Variants in MEIS1 observed in about 807,000 individuals in gnomAD.
MEIS1 encodes homeobox protein Meis1.
A neutral mutation model predicts 50.8 loss-of-function variants in MEIS1; 5 were observed. The ratio of observed to expected loss-of-function variants is 0.10; its 90% CI spans 0.05 to 0.21. The LOEUF (loss-of-function observed/expected upper bound fraction) is 0.21, where lower values mean the gene tolerates loss of function less well. MEIS1 is among the 10% of genes least tolerant of loss of function. MEIS1 has a pLI of 1.00. For synonymous variants in MEIS1, 176 were observed against 179.3 expected (o/e 0.98, Z 0.15); for missense variants, 318 against 517.3 (o/e 0.61, Z 3.74).
intron 9 of MEIS1, among the ~76,000 whole-genome samples, chr2:66,560,598 GAAAGA>G (rs1179580002): frequency 1.4e-5 from 2 of 144,418 alleles, no homozygotes; most frequent in Non-Finnish European, 3.1e-5. Context: ...AAAAAAAAAA[GAAAGA>G]AAAGAAAAGA....
chr2:66,478,646 T>G (rs1275738453), intron 7 of MEIS1, among the ~76,000 whole-genome samples: 3 of 152,226 alleles, frequency 2.0e-5, no homozygotes, highest in Non-Finnish European at 4.4e-5. Flanking sequence ...CTAGCACTTT[T>G]CAAGTTCAAA....
At chr2:66,568,892 C>A in intron 11 of MEIS1, 136 bp downstream of exon 11, 1 of 1,073,506 alleles carries the variant, frequency 9.3e-7, no homozygotes, top group Non-Finnish European at 1.5e-6. Flanking sequence ...ATCTGTGCAT[C>A]TAAGATATTG....
Position 66,526,307 on chromosome 2 carries a change from G to A in MEIS1, c.888+14013G>A, listed in dbSNP as rs570636631. On this transcript the variant is annotated intron_variant, in intron 8 of 12. Transcript: ENST00000272369. ...ATTTACTTTGGTCTAAGTCATTGAG[G>A]ATCAAAGGTCATAAGGAATCCAAAA... is the stretch of plus-strand genomic sequence containing the variant. Among the ~76,000 whole-genome samples the A allele has an allele frequency of 2.0e-5, 3 of 152,278 alleles. No homozygotes were observed. In the East Asian group the frequency reaches 5.8e-4, roughly 29 times the overall value.
chr2:66,491,166 T>C (rs980375781), intron 7 of MEIS1, among the ~76,000 whole-genome samples: 1 of 152,214 alleles, frequency 6.6e-6, no homozygotes, highest in African/African-American at 2.4e-5. Flanking sequence ...CTGGGTACTC[T>C]TGATGCAATA....
At chr2:66,529,609 A>G (rs1211309952) in intron 8 of MEIS1, among the ~76,000 whole-genome samples, 1 of 152,042 alleles carries the variant, frequency 6.6e-6, no homozygotes, top group African/African-American at 2.4e-5. Flanking sequence ...CTAACTTTTT[A>G]AGCTGTTTGA....
chr2:66,542,619 A>G (rs1229511822), intron 8 of MEIS1, among the ~76,000 whole-genome samples: 5 of 152,168 alleles, frequency 3.3e-5, no homozygotes, highest in Non-Finnish European at 5.9e-5. Context: ...CAGTTTCGGT[A>G]TAGAGGCAGT....
intron 7 of MEIS1, among the ~76,000 whole-genome samples, chr2:66,509,871 A>G (rs1673781887): frequency 1.3e-5 from 2 of 152,246 alleles, no homozygotes; most frequent in East Asian, 3.8e-4. Context: ...CTGCTGGATT[A>G]TAGTAGATAT....
At chr2:66,547,830 T>A in intron 8 of MEIS1, 113 bp from the exon 9 acceptor site, 1 of 924,812 alleles carries the variant, frequency 1.1e-6, no homozygotes, top group Non-Finnish European at 1.7e-6. Flanking sequence ...TTAATAAGAG[T>A]GACACACCTC....
intron 10 of MEIS1, chr2:66,567,801 T>C (rs1019413141): frequency 9.4e-6 from 5 of 531,466 alleles, no homozygotes; most frequent in Non-Finnish European, 1.7e-5. Flanking sequence ...ATTTTTTTTC[T>C]GAGTTTGCCT....
At chr2:66,486,908 GTGTATATGAATGCTTA>G (rs1673157244) in intron 7 of MEIS1, among the ~76,000 whole-genome samples, 2 of 152,110 alleles carry the variant, frequency 1.3e-5, no homozygotes, top group Admixed American at 1.3e-4. Flanking sequence ...TCTATTATTG[GTGTATATGAATGCTTA>G]TGATTTTGCA....
intron 8 of MEIS1, among the ~76,000 whole-genome samples, chr2:66,533,845 A>G (rs1178036227): frequency 6.6e-6 from 1 of 152,228 alleles, no homozygotes; most frequent in Non-Finnish European, 1.5e-5. Context: ...GAGATCTTGG[A>G]AGCAAGTTTG....
At chr2:66,499,100 A>G (rs1009671873) in intron 7 of MEIS1, among the ~76,000 whole-genome samples, 78 of 152,216 alleles carry the variant, frequency 5.1e-4, no homozygotes, top group African/African-American at 1.6e-3. Flanking sequence ...GCCTCAGATA[A>G]TCAAAGGAGA....
intron 7 of MEIS1, among the ~76,000 whole-genome samples, chr2:66,488,405 G>A (rs891228953): frequency 6.6e-6 from 1 of 152,174 alleles, no homozygotes; most frequent in Non-Finnish European, 1.5e-5. Flanking sequence ...CTGGCTAGGT[G>A]CAGTGGCTCA....
intron 7 of MEIS1, among the ~76,000 whole-genome samples, chr2:66,502,108 T>C (rs551996285): frequency 6.6e-6 from 1 of 152,360 alleles, no homozygotes; most frequent in African/African-American, 2.4e-5. Flanking sequence ...TAGATATACA[T>C]ACAGATGTTT....
intron 7 of MEIS1, among the ~76,000 whole-genome samples, chr2:66,480,481 G>A (rs1672990199): frequency 6.6e-6 from 1 of 152,208 alleles, no homozygotes; most frequent in Non-Finnish European, 1.5e-5. Context: ...TTTATCCAAT[G>A]AAGGTACAGG....
chr2:66,477,721 C>G (rs1260959760), intron 7 of MEIS1, among the ~76,000 whole-genome samples: 1 of 152,154 alleles, frequency 6.6e-6, no homozygotes, highest in African/African-American at 2.4e-5. Flanking sequence ...GATTGATGAA[C>G]ATTTCCTGAG....
chr2:66,508,608 G>A (rs192112408), intron 7 of MEIS1, among the ~76,000 whole-genome samples: 21 of 152,354 alleles, frequency 1.4e-4, no homozygotes, highest in African/African-American at 4.8e-4. Flanking sequence ...ATTTTCAGGA[G>A]CCTCTGGCCC....
At position 66,573,184 on chromosome 2, in the gene MEIS1, T is replaced by G. The variant is rs550306339; in HGVS notation, c.*1976T>G. The G allele has an allele frequency of 3.9e-5, 6 of 152,312 alleles. No homozygotes were observed. The highest frequency in any genetic ancestry group is 1.4e-4 in the African/African-American group (6 of 41,574). 9.4% of individuals were successfully genotyped at this position (152,312 alleles called of 1,614,324 possible). On this transcript the variant is annotated 3_prime_UTR_variant, in exon 13 of 13. Transcript: ENST00000272369. ...TAATTTTTATAAATATGCTCTATGT[T>G]CTCATTGGATAAAACTGGTTATTAA... is the stretch of plus-strand genomic sequence containing the variant.
In MEIS1 at chr2:66,441,419, T is replaced by C. The variant is rs368344281; in HGVS notation, c.438T>C (p.Ile146=). The C allele has an allele frequency of 1.3e-6, 2 of 1,545,968 alleles. No individual in the cohort carries two copies. The highest frequency in any genetic ancestry group is 4.2e-5 in the Admixed American group (2 of 47,190). ...SSNPELDNLM[I]QAIQVLRFHL... ...TTGTTTTTGTATCTTTGCAGATGAT[T>C]CAAGCCATACAAGTATTAAGGTTTC... The change falls in exon 5 of 13, where the codon ATT becomes ATC. Residue 146 remains isoleucine, a synonymous_variant. Transcript: ENST00000272369.
Sources: allele counts gnomAD v4.1 joint callset (sites outside exome capture counted in the v4.1 genomes callset), GRCh38; gene constraint gnomAD v4.1.1; transcripts MANE v1.5; gene names NCBI Gene and HGNC (gene_info 2026-07-23, HGNC 2026-07-21).